Variants in ABTB2 observed in about 807,000 individuals in gnomAD.
ABTB2 encodes the protein ankyrin repeat and BTB domain containing 2.
Under a neutral mutation model 104.1 loss-of-function variants are expected in ABTB2, and 56 were observed. The observed-to-expected ratio is 0.54, with a 90% CI of 0.43 to 0.67. The LOEUF (loss-of-function observed/expected upper bound fraction) is 0.67. Ranked by LOEUF, ABTB2 falls within the 30% of genes least tolerant of loss-of-function variation. The probability of loss-of-function intolerance (pLI) is 0.00; values close to 1 mark genes in which losing one functional copy is unlikely to be tolerated. For missense variants in ABTB2, 1,279 were observed against 1,407.7 expected, an observed-to-expected ratio of 0.91 and a Z score of 1.46; for synonymous variants, 606 against 608.2, an observed-to-expected ratio of 1.00 and a Z score of 0.05.
chr11:34,357,542 G>A lies in ABTB2; in HGVS notation c.42C>T (p.Asp14=). The A allele has an allele frequency of 6.5e-7, 1 of 1,534,672 alleles. No individual in the cohort carries two copies. The highest frequency in any genetic ancestry group is 8.7e-7 in the Non-Finnish European group (1 of 1,144,624). ...CCCCATACCCGGAGTCCAAGGTCAA[G>A]TCCTCCAGCGTCTTCAGAGTCGAGC... ...TYSSTLKTLE[D]LTLDSGYGAG... Residue 14 remains aspartate (D), a synonymous_variant, in exon 1 of 17, where the codon GAC becomes GAT. Coordinates refer to ENST00000435224, the MANE Select transcript of ABTB2 (RefSeq NM_145804.3).
chr11:34,275,150 C>T (rs1854369215), intron 1 of ABTB2, among the ~76,000 whole-genome samples: 1 of 152,184 alleles, frequency 6.6e-6, no homozygotes, highest in African/African-American at 2.4e-5. Flanking sequence ...TCCCCAAACC[C>T]AACAGGAAAC....
chr11:34,267,905 AC>A (rs1298019156), intron 1 of ABTB2, among the ~76,000 whole-genome samples: 1 of 152,252 alleles, frequency 6.6e-6, no homozygotes, highest in African/African-American at 2.4e-5. Flanking sequence ...TAAATAATGC[AC>A]AAATGTATGT....
intron 1 of ABTB2, among the ~76,000 whole-genome samples, chr11:34,350,452 G>GGGCCT (rs1308221345): frequency 2.6e-5 from 4 of 152,200 alleles, no homozygotes; most frequent in African/African-American, 9.7e-5. Flanking sequence ...ACCAGCAGGT[G>GGGCCT]ACACTTATAA....
intron 1 of ABTB2, among the ~76,000 whole-genome samples, chr11:34,276,784 T>C (rs545756693): frequency 6.6e-6 from 1 of 152,334 alleles, no homozygotes; most frequent in Admixed American, 6.5e-5. Flanking sequence ...CTTGTTTAGC[T>C]GGCATGGAGG....
rs1852548738 is a variant in ABTB2 at position 34,152,040 on chromosome 11, A to G, written c.*347T>C. On this transcript the variant is annotated 3_prime_UTR_variant, in exon 17 of 17. Coordinates refer to ENST00000435224, the MANE Select transcript of ABTB2 (RefSeq NM_145804.3). ...TGAGTTTACTGAGGCCCTAGGGGTG[A>G]GTAGAGCTTGGAGGGCCTGGGCGGA... is the stretch of plus-strand genomic sequence containing the variant. 3.0e-6 allele frequency: 1 copy of G among 328,550 alleles called. No individual in the cohort carries two copies. The allele number at this position is 328,550 out of a possible 1,614,324, so 20.4% of individuals were successfully genotyped here.
intron 1 of ABTB2, among the ~76,000 whole-genome samples, chr11:34,271,420 A>G (rs1205345986): frequency 6.6e-6 from 1 of 152,106 alleles, no homozygotes; most frequent in Non-Finnish European, 1.5e-5. Flanking sequence ...GTAGGAGGGT[A>G]CTTCCTCTGG....
intron 1 of ABTB2, chr11:34,335,904 C>T (rs186036114): frequency 2.3e-4 from 172 of 761,756 alleles, no homozygotes; most frequent in Admixed American, 4.8e-4. Context: ...GACAATCCTG[C>T]GGTTGAAAAG....
At chr11:34,313,790 G>A (rs1171844941) in intron 1 of ABTB2, among the ~76,000 whole-genome samples, 1 of 151,840 alleles carries the variant, frequency 6.6e-6, no homozygotes, top group Non-Finnish European at 1.5e-5. Context: ...CTCAGTGCCT[G>A]ATGATGAACA....
At chr11:34,246,777 A>G (rs1301371064) in intron 1 of ABTB2, among the ~76,000 whole-genome samples, 1 of 151,258 alleles carries the variant, frequency 6.6e-6, no homozygotes, top group African/African-American at 2.4e-5. Flanking sequence ...GTTTCTTTGT[A>G]TTGAGCCTCA....
At chr11:34,260,473 G>A (rs888629357) in intron 1 of ABTB2, among the ~76,000 whole-genome samples, 16 of 152,200 alleles carry the variant, frequency 1.1e-4, no homozygotes, top group African/African-American at 3.6e-4. Flanking sequence ...AAGAGGACAT[G>A]TCAGCACACA....
chr11:34,265,531 A>G (rs1160325989), intron 1 of ABTB2, among the ~76,000 whole-genome samples: 1 of 152,020 alleles, frequency 6.6e-6, no homozygotes, highest in African/African-American at 2.4e-5. Context: ...GTGGCGGTAC[A>G]TGCCTGTAAT....
At chr11:34,189,604 A>T (rs549657920) in intron 3 of ABTB2, among the ~76,000 whole-genome samples, 1 of 152,252 alleles carries the variant, frequency 6.6e-6, no homozygotes, top group South Asian at 2.1e-4. Context: ...CTGTCTCAAC[A>T]ACAACAACCA....
At chr11:34,239,909 G>C (rs1853891693) in intron 1 of ABTB2, among the ~76,000 whole-genome samples, 1 of 152,164 alleles carries the variant, frequency 6.6e-6, no homozygotes. Flanking sequence ...AAAAAAGCAA[G>C]GCATCTGTTT....
chr11:34,344,601 A>G (rs1298193309), intron 1 of ABTB2, among the ~76,000 whole-genome samples: 4 of 152,082 alleles, frequency 2.6e-5, no homozygotes, highest in Non-Finnish European at 5.9e-5. Flanking sequence ...GGCTCAAGCA[A>G]TCCTCTCACC....
chr11:34,172,439 TA>T (rs1852894037), intron 4 of ABTB2, among the ~76,000 whole-genome samples: 2 of 90,830 alleles, frequency 2.2e-5, no homozygotes, highest in Non-Finnish European at 4.5e-5. Context: ...TGTGTGTATA[TA>T]GATAGATAGA....
intron 1 of ABTB2, among the ~76,000 whole-genome samples, chr11:34,269,533 T>C (rs1379768634): frequency 6.6e-6 from 1 of 152,228 alleles, no homozygotes; most frequent in Non-Finnish European, 1.5e-5. Context: ...TTGTGGACCA[T>C]GTGGTCTCTC....
At chr11:34,194,520 C>T (rs1055704062) in intron 3 of ABTB2, among the ~76,000 whole-genome samples, 3 of 151,994 alleles carry the variant, frequency 2.0e-5, no homozygotes, top group Non-Finnish European at 2.9e-5. Flanking sequence ...AGAGGTTTTC[C>T]CCAGAGCTCT....
intron 1 of ABTB2, among the ~76,000 whole-genome samples, chr11:34,226,072 T>G (rs1853682123): frequency 6.6e-6 from 1 of 151,368 alleles, no homozygotes; most frequent in Non-Finnish European, 1.5e-5. Context: ...GAGTGTTGCG[T>G]GCGCCTGTAG....
chr11:34,272,728 AAAAC>A (rs1854334647), intron 1 of ABTB2, among the ~76,000 whole-genome samples: 2 of 133,182 alleles, frequency 1.5e-5, no homozygotes, highest in Non-Finnish European at 3.2e-5. Flanking sequence ...AAAAAAAAAA[AAAAC>A]CAACCAACCA....
Sources: allele counts gnomAD v4.1 joint callset (sites outside exome capture counted in the v4.1 genomes callset), GRCh38; gene constraint gnomAD v4.1.1; transcripts MANE v1.5; gene names NCBI Gene and HGNC (gene_info 2026-07-23, HGNC 2026-07-21).